The following PLAC8 variants were observed in gnomAD, a reference collection of about 807,000 sequenced individuals.
PLAC8 encodes placenta associated 8.
In PLAC8, 6 loss-of-function variants were observed where a neutral mutation model predicts 12.6. That is an observed-to-expected ratio of 0.48 (90% CI 0.26 to 0.94). The LOEUF (loss-of-function observed/expected upper bound fraction) is 0.94, where lower values mean the gene tolerates loss of function less well. PLAC8 is among the 40% of genes least tolerant of loss of function. PLAC8 has a pLI of 0.14. For synonymous variants in PLAC8, 54 were observed against 52.6 expected, an observed-to-expected ratio of 1.03 and a Z score of -0.11; for missense variants, 122 against 152.7, an observed-to-expected ratio of 0.80 and a Z score of 1.06.
At chr4:83,100,933 A>C (rs1180330392) in intron 3 of PLAC8, among the ~76,000 whole-genome samples, 1 of 152,200 alleles carries the variant, frequency 6.6e-6, no homozygotes, top group Non-Finnish European at 1.5e-5. Flanking sequence ...CATAAAAATG[A>C]TAGGAAAGCA....
chr4:83,102,912 C>A (rs1732139289), intron 3 of PLAC8, among the ~76,000 whole-genome samples: 3 of 150,618 alleles, frequency 2.0e-5, no homozygotes, highest in Admixed American at 2.0e-4. Context: ...CGGTGAAACC[C>A]CGTCTCTACT....
chr4:83,111,375 G>A (rs1732419409), intron 1 of PLAC8, among the ~76,000 whole-genome samples: 1 of 151,808 alleles, frequency 6.6e-6, no homozygotes, highest in Non-Finnish European at 1.5e-5. Flanking sequence ...AATTTTAAGG[G>A]GTCATACCAG....
At chr4:83,110,622 C>G (rs969425885) in intron 1 of PLAC8, among the ~76,000 whole-genome samples, 2 of 152,210 alleles carry the variant, frequency 1.3e-5, no homozygotes, top group Non-Finnish European at 2.9e-5. Flanking sequence ...TGAGGCCATG[C>G]GTGATGCAGG....
chr4:83,094,648 G>A (rs755096327), intron 4 of PLAC8, 30 bp downstream of exon 4: 2 of 1,159,010 alleles, frequency 1.7e-6, no homozygotes, highest in African/African-American at 1.5e-5. Flanking sequence ...AAACCCACAT[G>A]TTCTGAGAGG....
At chr4:83,109,705 G>A (rs896563329) in intron 1 of PLAC8, 4 of 148,442 alleles carry the variant, frequency 2.7e-5, no homozygotes, top group African/African-American at 9.8e-5. Flanking sequence ...AGGAGGCGGG[G>A]AGTGGGTGGG....
chr4:83,096,887 A>T (rs116217828), intron 3 of PLAC8, among the ~76,000 whole-genome samples: 1,592 of 152,272 alleles, frequency 0.01, 37 homozygotes, highest in African/African-American at 0.036. Context: ...CCTCACTAGG[A>T]GATGAGACTC....
intron 4 of PLAC8, among the ~76,000 whole-genome samples, chr4:83,092,651 C>A (rs1731831898): frequency 6.6e-6 from 1 of 152,012 alleles, no homozygotes; most frequent in African/African-American, 2.4e-5. Flanking sequence ...ATGCTAAGGC[C>A]TTTAAAATCT....
At chr4:83,109,800 C>T (rs1359726525) in intron 1 of PLAC8, 1 of 152,578 alleles carries the variant, frequency 6.6e-6, no homozygotes, top group Admixed American at 6.5e-5. Flanking sequence ...GATCAACCCT[C>T]ACCCCGCCGG....
At chr4:83,097,289 C>T (rs1242441329) in intron 3 of PLAC8, among the ~76,000 whole-genome samples, 1 of 151,800 alleles carries the variant, frequency 6.6e-6, no homozygotes, top group Non-Finnish European at 1.5e-5. Context: ...TATAAAAGAG[C>T]TCTGATTAAT....
At chr4:83,098,514 T>G (rs1560452809) in intron 3 of PLAC8, among the ~76,000 whole-genome samples, 1 of 152,238 alleles carries the variant, frequency 6.6e-6, no homozygotes, top group Non-Finnish European at 1.5e-5. Context: ...AAAAACTAGC[T>G]TTAGCACCAA....
chr4:83,093,670 C>A (rs1036230931), intron 4 of PLAC8: 2 of 152,074 alleles, frequency 1.3e-5, no homozygotes, highest in Admixed American at 1.3e-4. Context: ...CATAAAATAC[C>A]GCTTTGTCTA....
intron 4 of PLAC8, among the ~76,000 whole-genome samples, chr4:83,092,338 A>G (rs535786226): frequency 1.1e-4 from 17 of 152,224 alleles, no homozygotes; most frequent in Admixed American, 5.2e-4. Context: ...CTCATCCTGT[A>G]CAATCTGTAC....
chr4:83,106,034 T>C (rs1019676084), intron 2 of PLAC8, among the ~76,000 whole-genome samples: 1 of 152,042 alleles, frequency 6.6e-6, no homozygotes, highest in Non-Finnish European at 1.5e-5. Context: ...TTATTTATTT[T>C]TGAGATGCAG....
intron 1 of PLAC8, among the ~76,000 whole-genome samples, chr4:83,110,647 T>G (rs900082605): frequency 1.3e-5 from 2 of 152,114 alleles, no homozygotes; most frequent in African/African-American, 4.8e-5. Context: ...AGATGGTGCA[T>G]AGCAAACAGT....
At chr4:83,107,619 G>GTTT (rs1732283820) in intron 2 of PLAC8, among the ~76,000 whole-genome samples, 185 bp downstream of exon 2, 1 of 11,832 alleles carries the variant, frequency 8.5e-5, no homozygotes, top group African/African-American at 1.3e-4. Flanking sequence ...CCATACGGAG[G>GTTT]CTTTTTTTTT....
In PLAC8 at chr4:83,104,998, G is replaced by T. The variant is rs199594608; in HGVS notation, c.141C>A (p.Phe47Leu). 5 of 1,614,016 alleles carry T rather than the reference G, an allele frequency of 3.1e-6. No individual in the cohort carries two copies. Among genetic ancestry groups the T allele is most frequent in the Non-Finnish European group, 4.2e-6 (5 of 1,179,988 alleles). The change falls in exon 3 of 5, where the codon TTC (phenylalanine) becomes TTA (leucine). Residue 47 changes from phenylalanine (F) to leucine (L), a missense_variant. By Grantham distance (22) the Phe-to-Leu change is conservative (BLOSUM62 0). Transcript: ENST00000311507. ...CTGCAACTTGACACCCAAGGCACGGGAAACAAAATGTGCCACAGAGACCTA... is the reference window on the plus strand; with the variant it reads ...CTGCAACTTGACACCCAAGGCACGGTAAACAAAATGTGCCACAGAGACCTA... ...CGVCLCGTFC[F>L]PCLGCQVAAD...
At chr4:83,107,733 T>A (rs189295301) in intron 2 of PLAC8, 71 bp downstream of exon 2, 672 of 675,974 alleles carry the variant, frequency 9.9e-4, no homozygotes, top group Non-Finnish European at 1.3e-3. Context: ...AAGGGAGGAA[T>A]GGGGGAAGGA....
intron 2 of PLAC8, among the ~76,000 whole-genome samples, chr4:83,107,353 T>G (rs1257413130): frequency 6.6e-6 from 1 of 152,052 alleles, no homozygotes; most frequent in Non-Finnish European, 1.5e-5. Flanking sequence ...TGAACGCATA[T>G]GGAAACCATG....
intron 3 of PLAC8, among the ~76,000 whole-genome samples, chr4:83,101,394 AAAC>A (rs1195566299): frequency 6.6e-6 from 1 of 152,182 alleles, no homozygotes; most frequent in Non-Finnish European, 1.5e-5. Flanking sequence ...ACAAAAACAA[AAAC>A]AACAACAAAA....
Sources: allele counts gnomAD v4.1 joint callset (sites outside exome capture counted in the v4.1 genomes callset), GRCh38; gene constraint gnomAD v4.1.1; transcripts MANE v1.5; gene names NCBI Gene and HGNC (gene_info 2026-07-23, HGNC 2026-07-21).